Variants in ECE1 observed in about 807,000 individuals in gnomAD.
The protein encoded by ECE1 is endothelin-converting enzyme 1.
A neutral mutation model predicts 98.6 loss-of-function variants in ECE1; 35 were observed. That is an observed-to-expected ratio of 0.35 (90% CI 0.27 to 0.47). ECE1 has a LOEUF of 0.47. Ranked by LOEUF, ECE1 falls within the 20% of genes least tolerant of loss-of-function variation. The pLI, the probability that ECE1 is intolerant of heterozygous loss-of-function variation, is 1.00. For synonymous variants in ECE1, 394 were observed against 407.1 expected, an observed-to-expected ratio of 0.97 and a Z score of 0.39; for missense variants, 814 against 1,025.3, an observed-to-expected ratio of 0.79 and a Z score of 2.81.
rs1222988559 is a variant in ECE1, at chr1:21,219,083, C to T, written c.*872G>A. 1 of 152,406 alleles carries T rather than the reference C, an allele frequency of 6.6e-6. No homozygotes were observed. Among genetic ancestry groups the T allele is most frequent in the Non-Finnish European group, 1.5e-5 (1 of 68,202 alleles). 9.4% of individuals were successfully genotyped at this position (152,406 alleles called of 1,614,324 possible). ...GACACAGTCTCACCCCGCAGGGCTC[C>T]TGCAGTCTCGATTCAGGGTGCTTGG... On this transcript the variant is annotated 3_prime_UTR_variant, in exon 19 of 19. Coordinates refer to ENST00000374893, the MANE Select transcript of ECE1 (RefSeq NM_001397.3). This position sits in a 1 kb window ranked among gnomAD's most constrained non-coding sequence, Gnocchi z 4.5.
chr1:21,326,141 C>T (rs895871057), intron 1 of ECE1, among the ~76,000 whole-genome samples: 42 of 152,106 alleles, frequency 2.8e-4, no homozygotes, highest in African/African-American at 9.9e-4. Context: ...TGCCGCCCCA[C>T]GTTCTCAGCC....
At chr1:21,293,272 A>T (rs1638255105), upstream of ECE1, 1 of 152,080 alleles carries the variant, frequency 6.6e-6, no homozygotes, top group South Asian at 2.1e-4. Context: ...CCCTTCTGGC[A>T]AGCTCTCCTG....
chr1:21,280,238 C>CCA (rs2098252816), intron 2 of ECE1, among the ~76,000 whole-genome samples: 1 of 152,168 alleles, frequency 6.6e-6, no homozygotes, highest in African/African-American at 2.4e-5. Context: ...AAACCCACAC[C>CCA]CACAAGACAG....
intron 1 of ECE1, among the ~76,000 whole-genome samples, chr1:21,314,185 G>A (rs1638784766): frequency 6.6e-6 from 1 of 152,168 alleles, no homozygotes; most frequent in Non-Finnish European, 1.5e-5. Context: ...TTGCACAGCT[G>A]GTAAAAAGAT....
At chr1:21,241,416 T>C (rs1337813989) in intron 10 of ECE1, among the ~76,000 whole-genome samples, 1 of 149,110 alleles carries the variant, frequency 6.7e-6, no homozygotes, top group African/African-American at 2.5e-5. Context: ...GAGTAAGTGG[T>C]TGAGGTGTTT....
intron 14 of ECE1, among the ~76,000 whole-genome samples, chr1:21,232,500 A>G (rs1330704618): frequency 6.6e-6 from 1 of 151,494 alleles, no homozygotes; most frequent in Non-Finnish European, 1.5e-5. Flanking sequence ...ACATCTCCCT[A>G]TGTCGCCCAA....
intron 4 of ECE1, among the ~76,000 whole-genome samples, chr1:21,268,824 G>A (rs1332948101): frequency 6.6e-6 from 1 of 152,102 alleles, no homozygotes; most frequent in Non-Finnish European, 1.5e-5. Context: ...GCATTTTTTT[G>A]TCACCCACTC....
chr1:21,236,044 G>A lies in ECE1; in HGVS notation c.1489-117C>T, dbSNP rs900135646. The A allele has an allele frequency of 2.6e-5, 25 of 958,282 alleles. No individual in the cohort carries two copies. The African/African-American group carries it at 3.2e-4, about 12-fold the overall frequency. The allele number at this position is 958,282 out of a possible 1,614,324, so 59.4% of individuals were successfully genotyped here. On this transcript the variant is annotated intron_variant, in intron 12 of 18. Transcript: ENST00000374893. ...GGGGAACCAGAGCCAGGCCCTGCCT[G>A]CCTTGGGCTTTCATGTCTTTTTCTG... is the stretch of plus-strand genomic sequence containing the variant.
intron 8 of ECE1, among the ~76,000 whole-genome samples, chr1:21,251,016 A>G (rs1043052242): frequency 6.6e-6 from 1 of 151,902 alleles, no homozygotes; most frequent in South Asian, 2.1e-4. Flanking sequence ...CAAAAAAAAA[A>G]AGAGATGCTG....
At chr1:21,275,569 T>C (rs1180373571) in intron 3 of ECE1, among the ~76,000 whole-genome samples, 2 of 152,328 alleles carry the variant, frequency 1.3e-5, no homozygotes, top group South Asian at 2.1e-4. Flanking sequence ...CATTCCAGCC[T>C]GGGCGACAAG....
chr1:21,338,455 G>A lies in ECE1; in HGVS notation c.3+6921C>T, dbSNP rs183944940. Among the ~76,000 whole-genome samples, 456 of 152,336 alleles carry A rather than the reference G, an allele frequency of 3.0e-3. 4 individuals are homozygous for A. Among genetic ancestry groups the A allele is most frequent in the Non-Finnish European group, 4.3e-3 (294 of 68,030 alleles). On this transcript the variant is annotated intron_variant, in intron 1 of 18. Transcript: ENST00000415912. The stretch of plus-strand genomic sequence containing the variant: ...TACTGCTAGGCTCTCATTTTACAGA[G>A]GAAGAAAGTGGAGCTCAAAGGGGTT...
At chr1:21,249,008 C>T (rs1402226449) in intron 8 of ECE1, among the ~76,000 whole-genome samples, 1 of 152,116 alleles carries the variant, frequency 6.6e-6, no homozygotes, top group East Asian at 1.9e-4. Flanking sequence ...CAGCCTCCAG[C>T]CATGCTGAGG....
At position 21,307,233 on chromosome 1, in the gene ECE1, T is replaced by C. The variant is rs1050118036; in HGVS notation, c.4-17077A>G. On this transcript the variant is annotated intron_variant, in intron 1 of 18. Transcript: ENST00000415912. The surrounding 1 kb of genome is among the most constrained non-coding windows in gnomAD (Gnocchi z 4.2). ...ACATTTCCAAAGCGGGCTCGTTCCC[T>C]TTAATTCACTTTTGCTCTTCACAGC... 2.0e-5 allele frequency among the ~76,000 whole-genome samples: 3 copies of C among 152,226 alleles called. No individual in the cohort carries two copies. The highest frequency in any genetic ancestry group is 4.4e-5 in the Non-Finnish European group (3 of 68,048).
chr1:21,298,584 G>A (rs1437767514), intron 1 of ECE1: 3 of 373,642 alleles, frequency 8.0e-6, no homozygotes, highest in South Asian at 3.8e-5. Flanking sequence ...AGCAGCACAT[G>A]GGAGGGAAGG....
At chr1:21,230,344 C>T (rs979952026) in intron 14 of ECE1, among the ~76,000 whole-genome samples, 1 of 152,118 alleles carries the variant, frequency 6.6e-6, no homozygotes, top group Admixed American at 6.6e-5. Flanking sequence ...ATCCCTCATC[C>T]CTCCCTTTCC....
Position 21,235,064 on chromosome 1 carries a change from T to G in ECE1, c.1566+786A>C, listed in dbSNP as rs1034024641. Among the ~76,000 whole-genome samples the G allele has an allele frequency of 6.6e-6, 1 of 152,142 alleles. No homozygotes were observed. Among genetic ancestry groups the G allele is most frequent in the African/African-American group, 2.4e-5 (1 of 41,426 alleles). ...GGCTGGGCATGGTGGCTCATGAATA[T>G]GAGCCAGCCTGGGAGGCGGAGGTTG... On this transcript the variant is annotated intron_variant, in intron 13 of 18. Coordinates refer to ENST00000374893, the MANE Select transcript of ECE1 (RefSeq NM_001397.3). This position sits in a 1 kb window ranked among gnomAD's most constrained non-coding sequence, Gnocchi z 4.2.
chr1:21,323,291 C>T (rs964360468), intron 1 of ECE1, among the ~76,000 whole-genome samples: 1 of 152,028 alleles, frequency 6.6e-6, no homozygotes, highest in East Asian at 1.9e-4. Context: ...CTGGAACCGG[C>T]GGGGGGAGGG....
intron 14 of ECE1, among the ~76,000 whole-genome samples, chr1:21,232,124 G>A (rs1227770056): frequency 6.6e-6 from 1 of 152,130 alleles, no homozygotes; most frequent in Non-Finnish European, 1.5e-5. Context: ...GAAGGAAATA[G>A]AGATGTTTGA....
chr1:21,339,086 C>G (rs1321781008), intron 1 of ECE1, among the ~76,000 whole-genome samples: 1 of 151,874 alleles, frequency 6.6e-6, no homozygotes, highest in African/African-American at 2.4e-5. Flanking sequence ...CCAGGTGGTG[C>G]CAGACAGGGA....
Sources: allele counts gnomAD v4.1 joint callset (sites outside exome capture counted in the v4.1 genomes callset), GRCh38; gene constraint gnomAD v4.1.1; non-coding constraint Gnocchi (gnomAD v3.1); transcripts MANE v1.5; gene names NCBI Gene and HGNC (gene_info 2026-07-23, HGNC 2026-07-21).